Variants in SHOC1 observed in about 807,000 individuals in gnomAD.
SHOC1 encodes protein shortage in chiasmata 1 ortholog.
Under a neutral mutation model 179.2 loss-of-function variants are expected in SHOC1, and 136 were observed. That is an observed-to-expected ratio of 0.76 (90% confidence interval 0.66 to 0.87). The LOEUF is 0.87. Among genes scored for constraint, SHOC1 ranks in the 40% least tolerant of loss-of-function variants. The pLI is 0.00. For synonymous variants in SHOC1, 489 were observed against 586.6 expected (o/e 0.83, Z 2.41); for missense variants, 1,538 against 1,700.8 (o/e 0.90, Z 1.68).
intron 15 of SHOC1, among the ~76,000 whole-genome samples, chr9:111,720,183 A>G (rs1020911876): frequency 6.6e-6 from 1 of 152,220 alleles, no homozygotes; most frequent in Non-Finnish European, 1.5e-5. Context: ...AGAAGTGATT[A>G]CCACCATGTG....
chr9:111,759,224 C>G, intron 5 of SHOC1: 2 of 1,613,776 alleles, frequency 1.2e-6, no homozygotes, highest in Middle Eastern at 1.7e-4. Context: ...TTCTGCTGAC[C>G]TTGGTCTTCT....
At chr9:111,769,971 TTC>T (rs1472482035) in intron 5 of SHOC1, among the ~76,000 whole-genome samples, 1 of 88,556 alleles carries the variant, frequency 1.1e-5, no homozygotes, top group Admixed American at 1.6e-4. Context: ...AGGTTTTATC[TTC>T]TGTTTTTTTT....
At chr9:111,712,173 T>C (rs960460638) in intron 18 of SHOC1, among the ~76,000 whole-genome samples, 4 of 152,174 alleles carry the variant, frequency 2.6e-5, no homozygotes, top group Non-Finnish European at 5.9e-5. Flanking sequence ...ATATAATTTT[T>C]GTTGTGGAGG....
rs776133423 is a variant in SHOC1 at position 111,705,354 on chromosome 9, C to T, written c.2748G>A (p.Leu916=). 1 of 1,513,632 alleles carries T rather than the reference C, an allele frequency of 6.6e-7. No individual in the cohort carries two copies. The highest frequency in any genetic ancestry group is 8.9e-7 in the Non-Finnish European group (1 of 1,127,900). The allele number at this position is 1,513,632 out of a possible 1,614,324, so 93.8% of individuals were successfully genotyped here. ...AAAGAAAACCTCCAAATCTATCCAG[C>T]AAGGTGCTTCCTAAATAAGAGAAAA... ...LPDTVLERST[L]LDRFGGFLLE... is the part of the protein sequence containing the mutation. Residue 916 remains leucine (L), a synonymous_variant, in exon 21 of 28, where the codon TTG becomes TTA. Transcript: ENST00000682961.
intron 23 of SHOC1, 80 bp downstream of exon 23, chr9:111,702,025 C>A: frequency 9.8e-7 from 1 of 1,019,954 alleles, no homozygotes; most frequent in South Asian, 2.0e-5. Context: ...CAGAAAATTG[C>A]ATAGCCATTT....
intron 27 of SHOC1, among the ~76,000 whole-genome samples, chr9:111,688,239 T>A (rs1166680349): frequency 2.0e-5 from 3 of 152,210 alleles, no homozygotes; most frequent in Non-Finnish European, 2.9e-5. Context: ...TGGATATCAA[T>A]CTCTCACAGC....
At chr9:111,765,775 A>G (rs10981061) in intron 5 of SHOC1, among the ~76,000 whole-genome samples, 120,470 of 151,244 alleles carry the variant, frequency 0.8, 48,164 homozygotes, top group East Asian at 0.92. Flanking sequence ...GTGCAGTGGC[A>G]CGATCTCGGC....
chr9:111,754,261 T>G lies in SHOC1; in HGVS notation c.862+2064A>C, dbSNP rs151211632. Among the ~76,000 whole-genome samples the G allele has an allele frequency of 9.4e-3, 1,426 of 151,988 alleles. 9 individuals are homozygous for G. The highest frequency in any genetic ancestry group is 0.015 in the Non-Finnish European group (1,004 of 67,938). On this transcript the variant is annotated intron_variant, in intron 8 of 27. Coordinates refer to ENST00000682961, the MANE Select transcript of SHOC1 (RefSeq NM_001378211.1). ...AAAACAAATGACACAAGCTTACAAC[T>G]CAATAATAAAAAGAAAAATAACCCA...
chr9:111,734,776 T>C (rs1833742828), intron 12 of SHOC1, among the ~76,000 whole-genome samples: 1 of 151,192 alleles, frequency 6.6e-6, no homozygotes, highest in Non-Finnish European at 1.5e-5. Context: ...ACATCTGTTA[T>C]ATATTTTGGT....
chr9:111,687,685 G>A (rs912529564), intron 27 of SHOC1, among the ~76,000 whole-genome samples: 1 of 151,988 alleles, frequency 6.6e-6, no homozygotes, highest in Non-Finnish European at 1.5e-5. Flanking sequence ...ATATTGCCTG[G>A]TTTCCGTGTA....
intron 10 of SHOC1, among the ~76,000 whole-genome samples, chr9:111,745,777 C>T (rs1259388212): frequency 6.6e-6 from 1 of 152,204 alleles, no homozygotes; most frequent in Non-Finnish European, 1.5e-5. Context: ...TAATACACCA[C>T]TACATTGCCT....
At chr9:111,709,936 G>A (rs74527380) in intron 18 of SHOC1, among the ~76,000 whole-genome samples, 1 of 152,012 alleles carries the variant, frequency 6.6e-6, no homozygotes, top group Non-Finnish European at 1.5e-5. Context: ...ATCTGTCAGT[G>A]TATCTTCAGT....
chr9:111,714,348 G>T, intron 17 of SHOC1, 97 bp downstream of exon 17: 3 of 1,195,384 alleles, frequency 2.5e-6, no homozygotes, highest in Non-Finnish European at 3.6e-6. Context: ...AAGTAGTATA[G>T]ACTACTTCAT....
At chr9:111,763,315 A>G (rs989742810) in intron 5 of SHOC1, among the ~76,000 whole-genome samples, 3 of 152,110 alleles carry the variant, frequency 2.0e-5, no homozygotes, top group African/African-American at 7.2e-5. Context: ...AAGTATCTAC[A>G]TGGAAGGATA....
chr9:111,723,030 T>C (rs56034366), intron 14 of SHOC1, among the ~76,000 whole-genome samples: 30 of 152,266 alleles, frequency 2.0e-4, no homozygotes, highest in Non-Finnish European at 3.7e-4. Context: ...TCCGCCCACC[T>C]CGGCCTCCCA....
chr9:111,732,978 C>T (rs1001938163), intron 12 of SHOC1, among the ~76,000 whole-genome samples: 1 of 152,166 alleles, frequency 6.6e-6, no homozygotes. Flanking sequence ...AAGAGTAGTG[C>T]ATCCTGGGGA....
At chr9:111,754,799 G>A (rs1177456427) in intron 8 of SHOC1, among the ~76,000 whole-genome samples, 2 of 152,158 alleles carry the variant, frequency 1.3e-5, no homozygotes, top group Non-Finnish European at 2.9e-5. Context: ...TGATACGTTG[G>A]ATAATGCCAA....
intron 5 of SHOC1, chr9:111,759,666 C>CA (rs1308334943): frequency 1.5e-6 from 1 of 680,026 alleles, no homozygotes; most frequent in African/African-American, 1.9e-5. Context: ...GCCAAGTTCC[C>CA]AAAAAAGAAA....
intron 12 of SHOC1, chr9:111,738,023 A>T (rs1833883368): frequency 2.4e-6 from 1 of 420,578 alleles, no homozygotes. Context: ...TTAAATGAAA[A>T]TGGCTAGAAA....
Sources: gnomAD v4.1 joint callset for allele counts (sites outside exome capture counted in the v4.1 genomes callset) on GRCh38, gnomAD v4.1.1 for gene constraint, MANE v1.5 for transcripts, NCBI Gene and HGNC (gene_info 2026-07-23, HGNC 2026-07-21) for gene names.